Variants in RASGEF1C observed in about 807,000 individuals in gnomAD.
The protein encoded by RASGEF1C is RasGEF domain family member 1C.
In RASGEF1C, 27 loss-of-function variants were observed where a neutral mutation model predicts 58.1. That is an observed-to-expected ratio of 0.46 (90% CI 0.34 to 0.64). The LOEUF (loss-of-function observed/expected upper bound fraction) is 0.64, where lower values mean the gene tolerates loss of function less well. Ranked by LOEUF, RASGEF1C falls within the 30% of genes least tolerant of loss-of-function variation. The pLI, the probability that RASGEF1C is intolerant of heterozygous loss-of-function variation, is 0.01. For synonymous variants in RASGEF1C, 243 were observed against 246.3 expected (o/e 0.99, Z 0.13); for missense variants, 502 against 605.1 (o/e 0.83, Z 1.79).
chr5:180,151,415 A>C (rs905660941), intron 1 of RASGEF1C, among the ~76,000 whole-genome samples: 1 of 152,236 alleles, frequency 6.6e-6, no homozygotes, highest in South Asian at 2.1e-4. Flanking sequence ...ATAATGCTGC[A>C]TATCTACAAC....
At chr5:180,185,599 TAAAAATGA>T (rs1348522506) in intron 1 of RASGEF1C, among the ~76,000 whole-genome samples, 1 of 7,412 alleles carries the variant, frequency 1.3e-4, no homozygotes, top group East Asian at 4.1e-3. Context: ...TAAATAAATT[TAAAAATGA>T]ATAAATAAAT....
At chr5:180,152,215 C>A (rs1303698112) in intron 1 of RASGEF1C, among the ~76,000 whole-genome samples, 3 of 152,100 alleles carry the variant, frequency 2.0e-5, no homozygotes, top group Admixed American at 6.5e-5. Flanking sequence ...CATCCCATTA[C>A]TGGGTATATA....
intron 1 of RASGEF1C, among the ~76,000 whole-genome samples, chr5:180,170,973 C>T (rs904152965): frequency 1.3e-5 from 2 of 152,194 alleles, no homozygotes; most frequent in Non-Finnish European, 2.9e-5. Context: ...GCTGTCAGCG[C>T]TGCTGCTCCA....
At chr5:180,118,420 A>G (rs1259883254) in intron 10 of RASGEF1C, among the ~76,000 whole-genome samples, 189 bp downstream of exon 10, 1 of 152,112 alleles carries the variant, frequency 6.6e-6, no homozygotes, top group Non-Finnish European at 1.5e-5. Flanking sequence ...TGTCAGTCAG[A>G]GCTGTCTGAG....
At chr5:180,208,578 G>C (rs191905190) in intron 1 of RASGEF1C, among the ~76,000 whole-genome samples, 67 of 152,258 alleles carry the variant, frequency 4.4e-4, no homozygotes, top group African/African-American at 1.4e-3. Flanking sequence ...ATCCTCAAGG[G>C]TGACAGCACC....
intron 4 of RASGEF1C, among the ~76,000 whole-genome samples, chr5:180,133,582 TCCACC>T (rs944404913): frequency 6.6e-6 from 1 of 151,954 alleles, no homozygotes; most frequent in Non-Finnish European, 1.5e-5. Context: ...ATCATTTTAT[TCCACC>T]CCACCCTTGT....
chr5:180,146,470 T>C (rs187518269), intron 1 of RASGEF1C, among the ~76,000 whole-genome samples: 2 of 152,308 alleles, frequency 1.3e-5, no homozygotes, highest in African/African-American at 4.8e-5. Flanking sequence ...ACTTTTATTA[T>C]GTTGAGGTAG....
At chr5:180,201,824 C>T (rs1756399879) in intron 1 of RASGEF1C, among the ~76,000 whole-genome samples, 2 of 152,202 alleles carry the variant, frequency 1.3e-5, no homozygotes, top group Admixed American at 1.3e-4. Flanking sequence ...TCCCTTGTCC[C>T]TTCCTCCATG....
chr5:180,120,238 G>A (rs1437642125), intron 7 of RASGEF1C, among the ~76,000 whole-genome samples: 2 of 152,232 alleles, frequency 1.3e-5, no homozygotes, highest in Non-Finnish European at 1.5e-5. Flanking sequence ...GCCACAGAGA[G>A]CTGCGCACCC....
At chr5:180,126,026 G>C (rs554278283) in intron 6 of RASGEF1C, among the ~76,000 whole-genome samples, 1 of 152,158 alleles carries the variant, frequency 6.6e-6, no homozygotes, top group Admixed American at 6.5e-5. Flanking sequence ...TACAGTAGGG[G>C]GATAAAACAA....
rs547925862 is a variant in RASGEF1C, at chr5:180,172,056, T to A, written c.-6-33998A>T. On this transcript the variant is annotated intron_variant, in intron 1 of 13. Transcript: ENST00000361132. ...ATCTGCACTTCTACCCTTACATTCA[T>A]AGGAATAAAAATAGTGTTTAAAAAG... Among the ~76,000 whole-genome samples, 8 of 152,324 alleles carry A rather than the reference T, an allele frequency of 5.3e-5. No individual in the cohort carries two copies. In the East Asian group the frequency reaches 5.8e-4, roughly 11 times the overall value.
chr5:180,136,813 C>T, intron 3 of RASGEF1C: 1 of 425,190 alleles, frequency 2.4e-6, no homozygotes, highest in Non-Finnish European at 4.3e-6. Flanking sequence ...GGGGACCCTG[C>T]CCCAGGGGTG....
chr5:180,136,673 C>T lies in RASGEF1C; in HGVS notation c.301-158G>A, dbSNP rs73810789. 1,845 of 729,180 alleles carry T rather than the reference C, an allele frequency of 2.5e-3. 23 individuals carry two copies. In the African/African-American group the frequency reaches 0.03, roughly 12 times the overall value. 45.2% of individuals were successfully genotyped at this position (729,180 alleles called of 1,614,324 possible). On this transcript the variant is annotated intron_variant, in intron 3 of 13. Coordinates refer to ENST00000361132, the MANE Select transcript of RASGEF1C (RefSeq NM_175062.4). ...GGGGGGTGCGATCCTGCTCTGCGCC[C>T]ACGGGGAGAGGAGGGGGGACGGACA...
chr5:180,125,662 A>G (rs973588215), intron 6 of RASGEF1C, among the ~76,000 whole-genome samples: 10 of 151,776 alleles, frequency 6.6e-5, no homozygotes, highest in African/African-American at 2.2e-4. Context: ...CATGCCTGTA[A>G]TCCCAGCTAC....
intron 1 of RASGEF1C, among the ~76,000 whole-genome samples, chr5:180,161,646 A>G (rs1766947543): frequency 6.6e-6 from 1 of 152,248 alleles, no homozygotes; most frequent in African/African-American, 2.4e-5. Context: ...GAGGGGGAGC[A>G]GGTGCAGCCT....
At chr5:180,154,730 A>G (rs1186926315) in intron 1 of RASGEF1C, among the ~76,000 whole-genome samples, 5 of 151,772 alleles carry the variant, frequency 3.3e-5, no homozygotes, top group Non-Finnish European at 7.4e-5. Flanking sequence ...ACAGGCACCC[A>G]CCATCACGCC....
chr5:180,118,990 T>A, intron 8 of RASGEF1C, 124 bp from the exon 9 acceptor site: 1 of 877,136 alleles, frequency 1.1e-6, no homozygotes, highest in Non-Finnish European at 1.9e-6. Flanking sequence ...TGTCACATGG[T>A]GGGTGGGTGA....
In RASGEF1C at chr5:180,136,478, A is replaced by G. The variant is rs748154774; in HGVS notation, c.338T>C (p.Leu113Pro). 1 of 1,567,894 alleles carries G rather than the reference A, an allele frequency of 6.4e-7. No individual in the cohort carries two copies. The highest frequency in any genetic ancestry group is 8.7e-7 in the Non-Finnish European group (1 of 1,155,826). Reference protein sequence around the residue: ...VRKFGPKLLQLLAEWTETFPR... With the variant: ...VRKFGPKLLQPLAEWTETFPR... ...GAAGGTCTCGGTCCACTCGGCCAAC[A>G]GCTGCAGCAGTTTGGGGCCGAACTT... The change falls in exon 4 of 14, where the codon CTG (leucine) becomes CCG (proline). Residue 113 changes from leucine (L) to proline (P), a missense_variant. Leu to Pro is a moderately conservative substitution (Grantham distance 98). Transcript: ENST00000361132.
chr5:180,133,240 T>C (rs1766400299), intron 4 of RASGEF1C, among the ~76,000 whole-genome samples: 1 of 152,110 alleles, frequency 6.6e-6, no homozygotes, highest in South Asian at 2.1e-4. Context: ...TTCCCGGGAC[T>C]CCCCAGAACC....
Sources: gnomAD v4.1 joint callset for allele counts (sites outside exome capture counted in the v4.1 genomes callset) on GRCh38, gnomAD v4.1.1 for gene constraint, MANE v1.5 for transcripts, NCBI Gene and HGNC (gene_info 2026-07-23, HGNC 2026-07-21) for gene names.